Variants in DNAJC21 observed in about 807,000 individuals in gnomAD.
The protein encoded by DNAJC21 is DnaJ heat shock protein family (Hsp40) member C21.
A neutral mutation model predicts 72.4 loss-of-function variants in DNAJC21; 63 were observed. The observed-to-expected ratio is 0.87, with a 90% CI of 0.71 to 1.07. DNAJC21 has a LOEUF of 1.07. Among genes scored for constraint, DNAJC21 ranks in the 50% least tolerant of loss-of-function variants. The pLI is 0.00. For synonymous variants in DNAJC21, 203 were observed against 216.7 expected (o/e 0.94, Z 0.56); for missense variants, 634 against 644.8 (o/e 0.98, Z 0.18).
chr5:34,950,940 CATTTCTT>C (rs1234340800), intron 10 of DNAJC21: 63 of 984,762 alleles, frequency 6.4e-5, no homozygotes, highest in Non-Finnish European at 7.1e-5. Flanking sequence ...AACAGAGAAT[CATTTCTT>C]ATTTCTTGAG....
In DNAJC21 at chr5:34,952,333, T is replaced by G. The variant is rs183894358; in HGVS notation, c.1359-1593T>G. 5.2e-5 allele frequency: 43 copies of G among 831,324 alleles called. No individual in the cohort carries two copies. The African/African-American group carries it at 7.5e-4, about 15-fold the overall frequency. The allele number at this position is 831,324 out of a possible 1,614,324, so 51.5% of individuals were successfully genotyped here. The stretch of plus-strand genomic sequence containing the variant: ...TGTTGCCTTTTATGCCATTGTGTCC[T>G]TTTCTTGATGTTTTCAAAGCTGGCT... On this transcript the variant is annotated intron_variant, in intron 10 of 11. Coordinates refer to ENST00000648817, the MANE Select transcript of DNAJC21 (RefSeq NM_001012339.3).
At position 34,945,086 on chromosome 5, in the gene DNAJC21, G is replaced by T. The variant is rs1377982185; in HGVS notation, c.1142+61G>T. The T allele has an allele frequency of 2.5e-6, 4 of 1,573,686 alleles. No homozygotes were observed. In the African/African-American group the frequency reaches 4.1e-5, roughly 16 times the overall value. ...ATCACATTCAGAGATTGCATTAAAA[G>T]GTTTTTTTTGAGATGGAGAATCACT... On this transcript the variant is annotated intron_variant, in intron 8 of 11. Coordinates refer to ENST00000648817, the MANE Select transcript of DNAJC21 (RefSeq NM_001012339.3).
At chr5:34,936,107 A>G (rs1455929418) in intron 3 of DNAJC21, 37 bp from the exon 4 acceptor site, 3 of 1,583,162 alleles carry the variant, frequency 1.9e-6, no homozygotes, top group Non-Finnish European at 2.6e-6. Context: ...TCAGGCTGCA[A>G]AAGTATTAAG....
At position 34,955,069 on chromosome 5, in the gene DNAJC21, T is replaced by C. The variant is rs1765497201; in HGVS notation, c.*355T>C. ...TCTGCTTTATTTTCTGAATTTCACA[T>C]TACTTTTACTTAATGCTTTTGTGTT... is the stretch of plus-strand genomic sequence containing the variant. On this transcript the variant is annotated 3_prime_UTR_variant, in exon 12 of 12. Transcript: ENST00000648817. The C allele has an allele frequency of 6.3e-6, 1 of 159,030 alleles. No individual in the cohort carries two copies. The highest frequency in any genetic ancestry group is 1.4e-5 in the Non-Finnish European group (1 of 72,520). 9.9% of individuals were successfully genotyped at this position (159,030 alleles called of 1,614,324 possible).
At chr5:34,943,828 C>T (rs1275199085) in intron 7 of DNAJC21, among the ~76,000 whole-genome samples, 19 of 152,040 alleles carry the variant, frequency 1.2e-4, no homozygotes. Context: ...TTCTTTTTTT[C>T]AGTGTTTTAT....
At position 34,945,787 on chromosome 5, in the gene DNAJC21, A is replaced by G. The variant is rs762052531; in HGVS notation, c.1169A>G (p.Lys390Arg). The G allele has an allele frequency of 1.3e-6, 2 of 1,595,878 alleles. No individual in the cohort carries two copies. Among genetic ancestry groups the G allele is most frequent in the East Asian group, 4.5e-5 (2 of 44,248 alleles). ...CTTTCTAAAAAACAGAAGAAAAAGA[A>G]ACAGAAACCAGCACAGGTATGTTAG... Reference protein sequence around the residue: ...QKLSKKQKKKKQKPAQNYDDN... With the variant: ...QKLSKKQKKKRQKPAQNYDDN... Residue 390 changes from lysine to arginine, a missense_variant, in exon 9 of 12, where the codon AAA becomes AGA. Lys to Arg is a conservative substitution (Grantham distance 26). Transcript: ENST00000648817.
At position 34,944,878 on chromosome 5, in the gene DNAJC21, A is replaced by G; in HGVS notation, c.995A>G (p.His332Arg). 1 of 1,614,166 alleles carries G rather than the reference A, an allele frequency of 6.2e-7. No individual in the cohort carries two copies. Among genetic ancestry groups the G allele is most frequent in the Non-Finnish European group, 8.5e-7 (1 of 1,180,006 alleles). The change falls in exon 8 of 12, where the codon CAC (histidine) becomes CGC (arginine). Residue 332 changes from histidine (H) to arginine (R), a missense_variant. Physicochemically the swap from His to Arg is conservative, Grantham distance 29. Coordinates refer to ENST00000648817, the MANE Select transcript of DNAJC21 (RefSeq NM_001012339.3). Reference protein sequence around the residue: ...SFKTEKAMKNHEKSKKHREMV... With the variant: ...SFKTEKAMKNREKSKKHREMV... Reference sequence around the variant, plus strand: ...GATTGCTCTTTCAGCATGAAGAATCACGAGAAGTCAAAGAAGCATCGGGAA... The same window carrying G: ...GATTGCTCTTTCAGCATGAAGAATCGCGAGAAGTCAAAGAAGCATCGGGAA...
At chr5:34,937,267 C>T (rs1580526530) in intron 4 of DNAJC21, 59 bp from the exon 5 acceptor site, 6 of 1,523,498 alleles carry the variant, frequency 3.9e-6, no homozygotes, top group Non-Finnish European at 3.5e-6. Flanking sequence ...GTAATATTTA[C>T]TGCTTTTCTA....
intron 3 of DNAJC21, 136 bp from the exon 4 acceptor site, chr5:34,936,008 A>C (rs1764759036): frequency 1.4e-6 from 2 of 1,423,788 alleles, no homozygotes; most frequent in African/African-American, 2.9e-5. Context: ...TCTAGTTGAA[A>C]TCTAAATGTA....
In DNAJC21 at chr5:34,954,054, T is replaced by C. The variant is rs1460531626; in HGVS notation, c.1434+53T>C. Reference sequence around the variant, plus strand: ...TTAGCATATCTTGCTGTTTAAGCAGTATAATGATCTAAAGATGGAAATGTG... The same window carrying C: ...TTAGCATATCTTGCTGTTTAAGCAGCATAATGATCTAAAGATGGAAATGTG... On this transcript the variant is annotated intron_variant, in intron 11 of 11. Coordinates refer to ENST00000648817, the MANE Select transcript of DNAJC21 (RefSeq NM_001012339.3). 6 of 1,482,506 alleles carry C rather than the reference T, an allele frequency of 4.0e-6. No individual in the cohort carries two copies. The African/African-American group carries it at 8.5e-5, about 21-fold the overall frequency. 91.8% of individuals were successfully genotyped at this position (1,482,506 alleles called of 1,614,324 possible).
At chr5:34,952,073 C>G in intron 10 of DNAJC21, 1 of 985,310 alleles carries the variant, frequency 1.0e-6, no homozygotes, top group Non-Finnish European at 1.2e-6. Context: ...TGTTGCTTCT[C>G]TGGAGTGGTG....
rs1222981423 is a variant in DNAJC21 at position 34,957,222 on chromosome 5, A to C, written c.*2508A>C. 4 of 152,202 alleles carry C rather than the reference A, an allele frequency of 2.6e-5. No homozygotes were observed. The highest frequency in any genetic ancestry group is 9.6e-5 in the African/African-American group (4 of 41,456). The allele number at this position is 152,202 out of a possible 1,614,324, so 9.4% of individuals were successfully genotyped here. Reference sequence around the variant, plus strand: ...ACTAAAATACATGGGCATGCATCTTACACTGATCTTATTAGAGGTCAGTGC... The same window carrying C: ...ACTAAAATACATGGGCATGCATCTTCCACTGATCTTATTAGAGGTCAGTGC... On this transcript the variant is annotated 3_prime_UTR_variant, in exon 12 of 12. Transcript: ENST00000648817.
chr5:34,933,971 T>G (rs1052204767), intron 2 of DNAJC21, 63 bp downstream of exon 2: 1 of 1,474,208 alleles, frequency 6.8e-7, no homozygotes, highest in Admixed American at 2.1e-5. Flanking sequence ...TCAATATAGG[T>G]GGTTGTTTTT....
intron 8 of DNAJC21, 92 bp from the exon 9 acceptor site, chr5:34,945,669 C>T: frequency 2.8e-6 from 3 of 1,067,494 alleles, no homozygotes; most frequent in South Asian, 1.7e-5. Context: ...TTCTGTTTTA[C>T]TACTTTATCA....
Position 34,945,804 on chromosome 5 carries a change from G to A in DNAJC21, c.1185+1G>A, listed in dbSNP as rs1485940288. 6.3e-7 allele frequency: 1 copy of A among 1,578,836 alleles called. No homozygotes were observed. The highest frequency in any genetic ancestry group is 1.9e-5 in the Admixed American group (1 of 52,284). On this transcript the variant is annotated splice_donor_variant, in intron 9 of 11. Coordinates refer to ENST00000648817, the MANE Select transcript of DNAJC21 (RefSeq NM_001012339.3). LOFTEE classifies it high-confidence loss of function. ...GAAAAAGAAACAGAAACCAGCACAG[G>A]TATGTTAGAAAGGTTTTGTTAACAT...
intron 10 of DNAJC21, chr5:34,951,114 TTAG>T (rs1373110081): frequency 1.4e-5 from 14 of 985,440 alleles, no homozygotes; most frequent in African/African-American, 1.7e-5. Flanking sequence ...TTTAAGGCAC[TTAG>T]TAGTAGGAAG....
intron 11 of DNAJC21, 75 bp downstream of exon 11, chr5:34,954,076 TGTGTATTTG>T: frequency 7.2e-7 from 1 of 1,385,060 alleles, no homozygotes; most frequent in East Asian, 2.4e-5. Context: ...AAGATGGAAA[TGTGTATTTG>T]GTGAGCCATT....
At chr5:34,952,466 A>G (rs942420857) in intron 10 of DNAJC21, 8 of 159,288 alleles carry the variant, frequency 5.0e-5, no homozygotes, top group African/African-American at 1.9e-4. Flanking sequence ...ATACCTATAA[A>G]CTGGAAGCAT....
chr5:34,945,250 G>A (rs533982076), intron 8 of DNAJC21, among the ~76,000 whole-genome samples: 1 of 152,142 alleles, frequency 6.6e-6, no homozygotes, highest in Admixed American at 6.6e-5. Flanking sequence ...GCTAATTTTT[G>A]TGTTTTTAGT....
Sources: allele counts gnomAD v4.1 joint callset (sites outside exome capture counted in the v4.1 genomes callset), GRCh38; gene constraint gnomAD v4.1.1; transcripts MANE v1.5; gene names NCBI Gene and HGNC (gene_info 2026-07-23, HGNC 2026-07-21).